Variants in EXOSC8 observed in about 807,000 individuals in gnomAD.
EXOSC8 encodes exosome complex component RRP43.
In EXOSC8, 37 loss-of-function variants were observed where a neutral mutation model predicts 39.9. The observed-to-expected ratio is 0.93, with a 90% CI of 0.71 to 1.22. EXOSC8 has a LOEUF of 1.22. EXOSC8 is among the 50% of genes most tolerant of loss of function. EXOSC8 has a pLI of 0.00. For missense variants in EXOSC8, 313 were observed against 326.6 expected (o/e 0.96, Z 0.32); for synonymous variants, 93 against 109.5 (o/e 0.85, Z 0.94).
At chr13:37,004,684 TAAAAC>T (rs1483393475) in intron 5 of EXOSC8, 123 bp downstream of exon 5, 8 of 618,992 alleles carry the variant, frequency 1.3e-5, no homozygotes, top group Non-Finnish European at 2.2e-5. Context: ...TATTTATGAA[TAAAAC>T]AAATTCCTCA....
chr13:37,005,521 A>G (rs1489433466), intron 5 of EXOSC8, among the ~76,000 whole-genome samples: 1 of 152,144 alleles, frequency 6.6e-6, no homozygotes, highest in Non-Finnish European at 1.5e-5. Context: ...CCATGGCCAC[A>G]GTTGCCTTTA....
rs2059211181 is a variant in EXOSC8 at position 37,009,423 on chromosome 13, GTCACTTCCATATATATTA to G, written c.*126_*143del. ...GAAAGATGTTTCTATTATTTCTTAGGTCACTTCCATATATATTATGTATAGTGAAACCATTTTTAAAAA... is the reference window on the plus strand; with the variant it reads ...GAAAGATGTTTCTATTATTTCTTAGGTGTATAGTGAAACCATTTTTAAAAA... On this transcript the variant is annotated 3_prime_UTR_variant, in exon 11 of 11. Transcript: ENST00000389704. 1.3e-6 allele frequency: 1 copy of G among 745,408 alleles called. No individual in the cohort carries two copies. Among genetic ancestry groups the G allele is most frequent in the Non-Finnish European group, 2.2e-6 (1 of 452,988 alleles). The allele number at this position is 745,408 out of a possible 1,614,324, so 46.2% of individuals were successfully genotyped here.
At chr13:37,001,645 A>G (rs1303152401) in intron 1 of EXOSC8, 1 of 152,252 alleles carries the variant, frequency 6.6e-6, no homozygotes, top group Non-Finnish European at 1.5e-5. Context: ...AGTAGTATAT[A>G]TACTTGGTTT....
At chr13:37,001,556 A>G (rs942705671) in intron 1 of EXOSC8, 5 of 152,238 alleles carry the variant, frequency 3.3e-5, no homozygotes, top group African/African-American at 1.2e-4. Flanking sequence ...TAAAAAATGG[A>G]TAAAATAAAT....
chr13:37,002,139 T>C (rs1323175575), intron 1 of EXOSC8, 134 bp from the exon 2 acceptor site: 6 of 616,284 alleles, frequency 9.7e-6, no homozygotes, highest in Non-Finnish European at 1.4e-5. Flanking sequence ...GGATTTTTAC[T>C]TTCTAGAATT....
chr13:37,007,229 C>T (rs938233700), intron 8 of EXOSC8, among the ~76,000 whole-genome samples, 158 bp downstream of exon 8: 2 of 152,196 alleles, frequency 1.3e-5, no homozygotes, highest in South Asian at 2.1e-4. Context: ...TATTCTCTAA[C>T]TGAATGCTCT....
chr13:37,004,570 A>C lies in EXOSC8; in HGVS notation c.238+9A>C. ...TGATAAAGGATACGTTGGTAAGTTA[A>C]ATGGTTTTGTAATTTTAATACAAAT... On this transcript the variant is annotated intron_variant, in intron 5 of 10. Coordinates refer to ENST00000389704, the MANE Select transcript of EXOSC8 (RefSeq NM_181503.3). 6.3e-7 allele frequency: 1 copy of C among 1,578,936 alleles called. No individual in the cohort carries two copies. The highest frequency in any genetic ancestry group is 8.7e-7 in the Non-Finnish European group (1 of 1,150,216).
At position 37,002,548 on chromosome 13, in the gene EXOSC8, A is replaced by T; in HGVS notation, c.115A>T (p.Ile39Phe). The change falls in exon 3 of 11, where the codon ATC (isoleucine) becomes TTC (phenylalanine). Residue 39 changes from isoleucine to phenylalanine, a missense_variant. Physicochemically the swap from Ile to Phe is conservative, Grantham distance 21. Coordinates refer to ENST00000389704, the MANE Select transcript of EXOSC8 (RefSeq NM_181503.3). ...TGAATTCAGAACCACAACTGTCAACATCGGTAAGGATGTATTTTCCACTTT... is the reference window on the plus strand; with the variant it reads ...TGAATTCAGAACCACAACTGTCAACTTCGGTAAGGATGTATTTTCCACTTT... The part of the protein sequence containing the change: ...LGEFRTTTVN[I>F]GSISTADGSA... 3.2e-6 allele frequency: 5 copies of T among 1,585,284 alleles called. No homozygotes were observed. Among genetic ancestry groups the T allele is most frequent in the South Asian group, 1.2e-5 (1 of 86,192 alleles).
chr13:37,008,188 C>CTTACTTTAACTTT lies in EXOSC8; in HGVS notation c.608+11_608+12insTTACTTTAACTTT. On this transcript the variant is annotated intron_variant, in intron 9 of 10. Transcript: ENST00000389704. ...TGCTGTGTTTGATGAGTAAGTTAAT[C>CTTACTTTAACTTT]AAACTTACTTTAAAATTTTCTATAT... The CTTACTTTAACTTT allele has an allele frequency of 6.3e-7, 1 of 1,584,772 alleles. No homozygotes were observed. The highest frequency in any genetic ancestry group is 1.2e-5 in the South Asian group (1 of 86,802).
rs745828184 is a variant in EXOSC8, at chr13:37,006,039, GATAA to G, written c.344+16_344+19del. The stretch of plus-strand genomic sequence containing the variant: ...TGTCATTGAAAAGTAAGAGCACCAT[GATAA>G]AATTTTATTACAATTCATTTTCAGA... On this transcript the variant is annotated intron_variant, in intron 6 of 10. Transcript: ENST00000389704. 3 of 1,589,060 alleles carry G rather than the reference GATAA, an allele frequency of 1.9e-6. No homozygotes were observed. The South Asian group carries it at 3.3e-5, about 18-fold the overall frequency.
At chr13:37,002,382 A>G in intron 2 of EXOSC8, 73 bp downstream of exon 2, 3 of 1,426,742 alleles carry the variant, frequency 2.1e-6, no homozygotes, top group Non-Finnish European at 3.0e-6. Flanking sequence ...CAAGTAATTT[A>G]AATTAATCCA....
At chr13:37,005,544 A>G (rs1343231101) in intron 5 of EXOSC8, among the ~76,000 whole-genome samples, 1 of 152,124 alleles carries the variant, frequency 6.6e-6, no homozygotes, top group East Asian at 1.9e-4. Flanking sequence ...GTGGATTGAT[A>G]ATACCTTTAA....
intron 5 of EXOSC8, 54 bp from the exon 6 acceptor site, chr13:37,005,866 A>G (rs537941302): frequency 1.7e-6 from 1 of 598,688 alleles, no homozygotes; most frequent in African/African-American, 1.9e-5. Context: ...CCATCTCAAA[A>G]AAAAAAAAAA....
rs2059144822 is a variant in EXOSC8, at chr13:37,007,173, TGAATG to T, written c.487+103_487+107del. The T allele has an allele frequency of 6.6e-6, 5 of 753,680 alleles. No homozygotes were observed. The Admixed American group carries it at 8.0e-5, about 12-fold the overall frequency. 46.7% of individuals were successfully genotyped at this position (753,680 alleles called of 1,614,324 possible). ...TTGCTTTCGTATGCTTCCAAATTAA[TGAATG>T]TAATGCTGACATGACTTTCCAAATA... On this transcript the variant is annotated intron_variant, in intron 8 of 10. Coordinates refer to ENST00000389704, the MANE Select transcript of EXOSC8 (RefSeq NM_181503.3).
rs1168314704 is a variant in EXOSC8 at position 37,006,992 on chromosome 13, C to T, written c.408C>T (p.Tyr136=). ...ISPGKLVWVL[Y]CDLICLDYDG... is the part of the protein sequence containing the mutation. Reference sequence around the variant, plus strand: ...TATTTTAGCTTGTCTGGGTTCTATACTGTGATCTCATTTGCCTCGACTACG... The same window carrying T: ...TATTTTAGCTTGTCTGGGTTCTATATTGTGATCTCATTTGCCTCGACTACG... The change falls in exon 8 of 11, where the codon TAC becomes TAT. Residue 136 remains tyrosine, a synonymous_variant. Transcript: ENST00000389704. 2.5e-6 allele frequency: 4 copies of T among 1,609,144 alleles called. No individual in the cohort carries two copies. Among genetic ancestry groups the T allele is most frequent in the Middle Eastern group, 1.6e-4 (1 of 6,076 alleles).
Position 37,008,092 on chromosome 13 carries a change from G to A in EXOSC8, c.523G>A (p.Ala175Thr). Residue 175 changes from alanine (A) to threonine (T), a missense_variant, in exon 9 of 11, where the codon GCT becomes ACT. Transcript: ENST00000389704. ...TGAAGTTACTATAAATGAAGAAACT[G>A]CTTTAGCAGAAGTTAATTTAAAGAA... ...LPEVTINEET[A>T]LAEVNLKKKS... is the part of the protein sequence containing the mutation. 1 of 1,595,986 alleles carries A rather than the reference G, an allele frequency of 6.3e-7. No individual in the cohort carries two copies.
chr13:37,006,913 C>T, intron 7 of EXOSC8, 62 bp from the exon 8 acceptor site: 3 of 1,013,972 alleles, frequency 3.0e-6, no homozygotes. Context: ...TAAGTCTAAG[C>T]TAATAGCATG....
rs375017942 is a variant in EXOSC8 at position 37,008,710 on chromosome 13, T to A, written c.609-19T>A. 6.8e-7 allele frequency: 1 copy of A among 1,473,522 alleles called. No homozygotes were observed. Among genetic ancestry groups the A allele is most frequent in the Admixed American group, 1.7e-5 (1 of 57,194 alleles). 91.3% of individuals were successfully genotyped at this position (1,473,522 alleles called of 1,614,324 possible). ...ATTTGTTCCATGGATTGATAACTTA[T>A]ATTTTTTTCTTTTTATAGCACTTTG... On this transcript the variant is annotated intron_variant, in intron 9 of 10. Transcript: ENST00000389704.
intron 9 of EXOSC8, 87 bp from the exon 10 acceptor site, chr13:37,008,642 G>A: frequency 1.2e-6 from 1 of 820,260 alleles, no homozygotes. Flanking sequence ...GTTAATTCCA[G>A]CTACTTGGGA....
Sources: gnomAD v4.1 joint callset for allele counts (sites outside exome capture counted in the v4.1 genomes callset) on GRCh38, gnomAD v4.1.1 for gene constraint, MANE v1.5 for transcripts, NCBI Gene and HGNC (gene_info 2026-07-23, HGNC 2026-07-21) for gene names.